Variants in ZNF507 observed in about 807,000 individuals in gnomAD.
ZNF507 encodes the protein zinc finger protein 507.
A neutral mutation model predicts 80.0 loss-of-function variants in ZNF507; 29 were observed. The observed-to-expected ratio is 0.36, with a 90% confidence interval of 0.27 to 0.49. The LOEUF (loss-of-function observed/expected upper bound fraction) is 0.49. Ranked by LOEUF, ZNF507 falls within the 20% of genes least tolerant of loss-of-function variation. ZNF507 has a pLI of 0.98. For synonymous variants in ZNF507, 462 were observed against 422.5 expected (o/e 1.09, Z -1.15); for missense variants, 1,081 against 1,152.2 (o/e 0.94, Z 0.90).
chr19:32,364,539 T>C (rs1967371406), intron 5 of ZNF507, among the ~76,000 whole-genome samples: 1 of 152,192 alleles, frequency 6.6e-6, no homozygotes, highest in South Asian at 2.1e-4. Context: ...CTTATGCCTT[T>C]GCGTCCTCAT....
chr19:32,352,911 C>G lies in ZNF507; in HGVS notation c.81C>G (p.Ile27Met), dbSNP rs1476424311. 2 of 1,613,906 alleles carry G rather than the reference C, an allele frequency of 1.2e-6. No individual in the cohort carries two copies. Among genetic ancestry groups the G allele is most frequent in the Non-Finnish European group, 1.7e-6 (2 of 1,179,974 alleles). ...CTATACTGACTGCTGAAAGTATCAT[C>G]AGTCCTTCATTGGAAATTGATGAAC... ...QEAILTAESIISPSLEIDEQR... is the reference protein window; with the variant it reads ...QEAILTAESIMSPSLEIDEQR... The change falls in exon 3 of 7, where the codon ATC becomes ATG. Residue 27 changes from isoleucine to methionine, a missense_variant. Transcript: ENST00000355898.
At chr19:32,351,185 G>A (rs1163783389) in intron 2 of ZNF507, among the ~76,000 whole-genome samples, 3 of 152,134 alleles carry the variant, frequency 2.0e-5, no homozygotes, top group Non-Finnish European at 4.4e-5. Context: ...TGCATGTGAG[G>A]GCAGTTAGAG....
Position 32,353,816 on chromosome 19 carries a change from C to T in ZNF507, c.986C>T (p.Ser329Leu). Residue 329 changes from serine (S) to leucine (L), a missense_variant, in exon 3 of 7, where the codon TCA (serine) becomes TTA (leucine). Coordinates refer to ENST00000355898, the MANE Select transcript of ZNF507 (RefSeq NM_001136156.2). ...GPSVQVQICS[S>L]EQLSSSSPLE... Reference sequence around the variant, plus strand: ...TCAGTGCAAGTGCAGATTTGCAGCTCAGAACAGTTATCATCTTCATCTCCT... The same window carrying T: ...TCAGTGCAAGTGCAGATTTGCAGCTTAGAACAGTTATCATCTTCATCTCCT... 1 of 1,614,160 alleles carries T rather than the reference C, an allele frequency of 6.2e-7. No individual in the cohort carries two copies. The highest frequency in any genetic ancestry group is 8.5e-7 in the Non-Finnish European group (1 of 1,180,030).
intron 2 of ZNF507, 105 bp from the exon 3 acceptor site, chr19:32,352,724 C>G: frequency 1.0e-6 from 1 of 1,002,236 alleles, no homozygotes. Context: ...TTAGAAAATA[C>G]TTAGATGAGA....
chr19:32,348,294 T>A (rs1040962705), intron 2 of ZNF507, among the ~76,000 whole-genome samples: 1 of 116,120 alleles, frequency 8.6e-6, no homozygotes, highest in Non-Finnish European at 1.7e-5. Flanking sequence ...CCATTACTTT[T>A]ATAGCACAAT....
chr19:32,347,682 G>A (rs1036752881), intron 2 of ZNF507, among the ~76,000 whole-genome samples: 5 of 151,598 alleles, frequency 3.3e-5, no homozygotes, highest in South Asian at 2.1e-4. Context: ...AAAATCTACA[G>A]AGGCATTACT....
At position 32,383,186 on chromosome 19, in the gene ZNF507, A is replaced by G; in HGVS notation, c.*103A>G. On this transcript the variant is annotated 3_prime_UTR_variant, in exon 7 of 7. Coordinates refer to ENST00000355898, the MANE Select transcript of ZNF507 (RefSeq NM_001136156.2). ...CTTCCTGCCACAGAAGAAGTCGTTG[A>G]TGTGATTTTTGAGGAAATGACAGAT... is the stretch of plus-strand genomic sequence containing the variant. 1.4e-6 allele frequency: 2 copies of G among 1,455,196 alleles called. No homozygotes were observed. The highest frequency in any genetic ancestry group is 2.8e-5 in the South Asian group (2 of 71,024). The allele number at this position is 1,455,196 out of a possible 1,614,324, so 90.1% of individuals were successfully genotyped here.
chr19:32,371,034 T>G (rs1054818468), intron 5 of ZNF507, among the ~76,000 whole-genome samples: 1 of 152,234 alleles, frequency 6.6e-6, no homozygotes, highest in East Asian at 1.9e-4. Context: ...ATTCATTGAC[T>G]GTGTATTTTT....
In ZNF507 at chr19:32,354,373, C is replaced by T; in HGVS notation, c.1543C>T (p.Leu515=). The change falls in exon 3 of 7, where the codon CTG becomes TTG. Residue 515 remains leucine (L), a synonymous_variant. Transcript: ENST00000355898. ...IRAAELTRAN[L]GHYGDINLLD... ...AGCTGCAGAGTTGACAAGAGCCAAC[C>T]TGGGGCACTATGGAGATATAAACCT... The T allele has an allele frequency of 6.2e-7, 1 of 1,614,144 alleles. No homozygotes were observed. Among genetic ancestry groups the T allele is most frequent in the Non-Finnish European group, 8.5e-7 (1 of 1,180,018 alleles).
Position 32,384,470 on chromosome 19 carries a change from C to T in ZNF507, c.*1387C>T, listed in dbSNP as rs1336671690. The T allele has an allele frequency of 3.9e-5, 6 of 152,158 alleles. No homozygotes were observed. Among genetic ancestry groups the T allele is most frequent in the Non-Finnish European group, 7.3e-5 (5 of 68,040 alleles). 9.4% of individuals were successfully genotyped at this position (152,158 alleles called of 1,614,324 possible). On this transcript the variant is annotated 3_prime_UTR_variant, in exon 7 of 7. Transcript: ENST00000355898. ...CTACAAGTGAAAAGGTCGGTGCGCT[C>T]TTCTGTGCACCATCCTCACGGTGCT...
At chr19:32,356,822 A>C (rs1568304481) in intron 4 of ZNF507, 89 bp downstream of exon 4, 1 of 948,984 alleles carries the variant, frequency 1.1e-6, no homozygotes, top group African/African-American at 1.6e-5. Flanking sequence ...TTTTCAGGGC[A>C]AAAGCCTATA....
chr19:32,385,741 G>A lies in ZNF507; in HGVS notation c.*2658G>A, dbSNP rs1014273074. On this transcript the variant is annotated 3_prime_UTR_variant, in exon 7 of 7. Coordinates refer to ENST00000355898, the MANE Select transcript of ZNF507 (RefSeq NM_001136156.2). ...AAGGTGGGAGGATCACTTGAGCCTGGGAGATAGAGGCTTGCAGTGAGCCGT... is the reference window on the plus strand; with the variant it reads ...AAGGTGGGAGGATCACTTGAGCCTGAGAGATAGAGGCTTGCAGTGAGCCGT... The A allele has an allele frequency of 2.6e-5, 4 of 152,166 alleles. No homozygotes were observed. Among genetic ancestry groups the A allele is most frequent in the Non-Finnish European group, 5.9e-5 (4 of 68,048 alleles). 9.4% of individuals were successfully genotyped at this position (152,166 alleles called of 1,614,324 possible). A position where few individuals can be genotyped will look rare whatever the true frequency, so the allele number is the denominator to read the frequency against.
Position 32,370,987 on chromosome 19 carries a change from C to A in ZNF507, c.2360+10369C>A, listed in dbSNP as rs1329787046. Reference sequence around the variant, plus strand: ...AGCACCATTTATTGAAGAGACTGTTCTTTCTCCATTATGTCCTCTTGGTGC... The same window carrying A: ...AGCACCATTTATTGAAGAGACTGTTATTTCTCCATTATGTCCTCTTGGTGC... On this transcript the variant is annotated intron_variant, in intron 5 of 6. Coordinates refer to ENST00000355898, the MANE Select transcript of ZNF507 (RefSeq NM_001136156.2). Among the ~76,000 whole-genome samples the A allele has an allele frequency of 2.6e-5, 4 of 152,158 alleles. No homozygotes were observed. In the East Asian group the frequency reaches 7.7e-4, roughly 29 times the overall value.
rs1016159563 is a variant in ZNF507, at chr19:32,352,762, T to C, written c.-2-67T>C. Reference sequence around the variant, plus strand: ...ACAGACACTAACATTCTCTTATATTTTCCAAATTACATGCCTGTAATTATC... The same window carrying C: ...ACAGACACTAACATTCTCTTATATTCTCCAAATTACATGCCTGTAATTATC... On this transcript the variant is annotated intron_variant, in intron 2 of 6. Transcript: ENST00000355898. The C allele has an allele frequency of 1.9e-5, 27 of 1,399,902 alleles. No individual in the cohort carries two copies. The African/African-American group carries it at 3.7e-4, about 19-fold the overall frequency. 86.7% of individuals were successfully genotyped at this position (1,399,902 alleles called of 1,614,324 possible).
At chr19:32,356,839 T>G in intron 4 of ZNF507, 106 bp downstream of exon 4, 1 of 811,514 alleles carries the variant, frequency 1.2e-6, no homozygotes, top group South Asian at 1.4e-5. Context: ...TATATTCTCC[T>G]CCATTTTTGT....
intron 5 of ZNF507, among the ~76,000 whole-genome samples, chr19:32,381,279 T>C (rs928940536): frequency 5.9e-5 from 9 of 152,128 alleles, no homozygotes; most frequent in Admixed American, 5.9e-4. Context: ...CATATGACGC[T>C]GGAATGGTGG....
chr19:32,372,251 C>A (rs1967484051), intron 5 of ZNF507, among the ~76,000 whole-genome samples: 1 of 152,016 alleles, frequency 6.6e-6, no homozygotes, highest in South Asian at 2.1e-4. Context: ...TTAAAAAAGA[C>A]CAGGAAGCTA....
intron 5 of ZNF507, among the ~76,000 whole-genome samples, chr19:32,362,750 G>A (rs535027927): frequency 3.3e-5 from 5 of 152,244 alleles, no homozygotes; most frequent in Non-Finnish European, 5.9e-5. Context: ...GCAACATCCC[G>A]TGAGCATCCT....
chr19:32,364,678 TG>T lies in ZNF507; in HGVS notation c.2360+4062del, dbSNP rs763441251. Among the ~76,000 whole-genome samples, 16 of 152,356 alleles carry T rather than the reference TG, an allele frequency of 1.1e-4. No individual in the cohort carries two copies. In the South Asian group the frequency reaches 1.7e-3, roughly 16 times the overall value. ...AATGCTGTTAATTCATTCCTTTTTA[TG>T]GCTGAGTAGTATTCAATCATATATA... On this transcript the variant is annotated intron_variant, in intron 5 of 6. Coordinates refer to ENST00000355898, the MANE Select transcript of ZNF507 (RefSeq NM_001136156.2).
Sources: gnomAD v4.1 joint callset for allele counts (sites outside exome capture counted in the v4.1 genomes callset) on GRCh38, gnomAD v4.1.1 for gene constraint, MANE v1.5 for transcripts, NCBI Gene and HGNC (gene_info 2026-07-23, HGNC 2026-07-21) for gene names.